CFHR1: variants seen among roughly 807,000 people sequenced by gnomAD.
The protein encoded by CFHR1 is complement factor H related 1, also known as complement factor H-related protein 1.
In CFHR1, 22 loss-of-function variants were observed where a neutral mutation model predicts 30.4. The ratio of observed to expected loss-of-function variants is 0.72; its 90% confidence interval spans 0.52 to 1.03. The LOEUF is 1.03. Ranked by LOEUF, CFHR1 falls within the 50% of genes least tolerant of loss-of-function variation. The pLI, the probability that CFHR1 is intolerant of heterozygous loss-of-function variation, is 0.00. For missense variants in CFHR1, 248 were observed against 380.6 expected (o/e 0.65, Z 2.90); for synonymous variants, 95 against 129.1 (o/e 0.74, Z 1.79).
chr1:196,826,787 T>C lies in CFHR1; in HGVS notation c.254-42T>C. The C allele has an allele frequency of 7.6e-6, 11 of 1,449,696 alleles. 2 individuals are homozygous for C. The highest frequency in any genetic ancestry group is 1.0e-5 in the Non-Finnish European group (11 of 1,063,508). The allele number at this position is 1,449,696 out of a possible 1,614,324, so 89.8% of individuals were successfully genotyped here. A position where few individuals can be genotyped will look rare whatever the true frequency, so the allele number is the denominator to read the frequency against. On this transcript the variant is annotated intron_variant, in intron 2 of 5. Transcript: ENST00000320493. ...TTAAAATGCAGTTGTACTTTTTCTT[T>C]GCTACTTCCATCTTGTACATTAATC...
chr1:196,825,737 G>A lies in CFHR1; in HGVS notation c.253+66G>A, dbSNP rs372075. On this transcript the variant is annotated intron_variant, in intron 2 of 5. Transcript: ENST00000320493. ...GAATAGAGAAGGATATGCCAGACAA[G>A]ATCATAAGGTCTTGATAATCACAGG... 0.14 allele frequency: 200,989 copies of A among 1,386,212 alleles called. 40,534 individuals carry two copies. Among genetic ancestry groups the A allele is most frequent in the African/African-American group, 0.24 (12,736 of 53,684 alleles). The allele number at this position is 1,386,212 out of a possible 1,614,324, so 85.9% of individuals were successfully genotyped here. A position where few individuals can be genotyped will look rare whatever the true frequency, so the allele number is the denominator to read the frequency against.
rs1558214005 is a variant in CFHR1, at chr1:196,825,521, G to T, written c.103G>T (p.Asp35Tyr). 1 of 1,519,322 alleles carries T rather than the reference G, an allele frequency of 6.6e-7. No individual in the cohort carries two copies. Among genetic ancestry groups the T allele is most frequent in the Non-Finnish European group, 8.9e-7 (1 of 1,124,416 alleles). The allele number at this position is 1,519,322 out of a possible 1,614,324, so 94.1% of individuals were successfully genotyped here. A position where few individuals can be genotyped will look rare whatever the true frequency, so the allele number is the denominator to read the frequency against. The change falls in exon 2 of 6, where the codon GAT (aspartate) becomes TAT (tyrosine). Residue 35 changes from aspartate to tyrosine, a missense_variant. By Grantham distance (160) the Asp-to-Tyr change is radical (BLOSUM62 -3). This residue lies in a region of CFHR1 where 121 missense variants were observed against 162.6 expected (regional missense o/e 0.74). Transcript: ENST00000320493. ...AAAAATAAACCATGGAATTCTATAT[G>T]ATGAAGAAAAATATAAGCCATTTTC... ...FPKINHGILY[D>Y]EEKYKPFSQV... is the part of the protein sequence containing the mutation.
chr1:196,823,766 C>T lies in CFHR1; in HGVS notation c.59-1711C>T, dbSNP rs1179132319. Among the ~76,000 whole-genome samples, 5 of 134,812 alleles carry T rather than the reference C, an allele frequency of 3.7e-5. 1 individual carries two copies. The highest frequency in any genetic ancestry group is 6.4e-5 in the African/African-American group (2 of 31,464). 88.4% of individuals were successfully genotyped at this position (134,812 alleles called of 152,430 possible). On this transcript the variant is annotated intron_variant, in intron 1 of 5. Coordinates refer to ENST00000320493, the MANE Select transcript of CFHR1 (RefSeq NM_002113.3). ...TTGAGGAAATATCTTGAGCTAAATA[C>T]GTACTCAAAGATAAAGCATATCAAA...
At chr1:196,825,862 G>C (rs1169264154) in intron 2 of CFHR1, 191 bp downstream of exon 2, 7 of 527,442 alleles carry the variant, frequency 1.3e-5, no homozygotes, top group Non-Finnish European at 2.3e-5. Context: ...CAACTGTCTT[G>C]TGTTACCTGG....
rs1307078120 is a variant in CFHR1, at chr1:196,831,956, G to T, written c.950G>T (p.Cys317Phe). ...CGTTCTCACACATTGCGAACAACAT[G>T]TTGGGATGGGAAACTGGAGTATCCA... is the stretch of plus-strand genomic sequence containing the variant. ...SSRSHTLRTTCWDGKLEYPTC... is the reference protein window; with the variant it reads ...SSRSHTLRTTFWDGKLEYPTC... The change falls in exon 6 of 6, where the codon TGT becomes TTT. Residue 317 changes from cysteine to phenylalanine, a missense_variant. Coordinates refer to ENST00000320493, the MANE Select transcript of CFHR1 (RefSeq NM_002113.3). The T allele has an allele frequency of 1.3e-6, 2 of 1,524,892 alleles. No homozygotes were observed. The highest frequency in any genetic ancestry group is 4.5e-5 in the East Asian group (2 of 44,604). 94.5% of individuals were successfully genotyped at this position (1,524,892 alleles called of 1,614,324 possible).
intron 4 of CFHR1, among the ~76,000 whole-genome samples, chr1:196,829,361 G>A (rs1395396131): frequency 7.4e-6 from 1 of 134,610 alleles, no homozygotes; most frequent in Non-Finnish European, 1.6e-5. Context: ...AAACTTATGA[G>A]GAAAAAGATA....
rs1571380711 is a variant in CFHR1, at chr1:196,831,659, G to A, written c.791-138G>A. On this transcript the variant is annotated intron_variant, in intron 5 of 5. Transcript: ENST00000320493. Reference sequence around the variant, plus strand: ...TTAAGTTTATTTAAATCAATATGATGTTTTTACATAGTCGGTTTGGACAGT... The same window carrying A: ...TTAAGTTTATTTAAATCAATATGATATTTTTACATAGTCGGTTTGGACAGT... 3.3e-5 allele frequency: 39 copies of A among 1,181,174 alleles called. 4 individuals are homozygous for A. Among genetic ancestry groups the A allele is most frequent in the Non-Finnish European group, 4.3e-5 (37 of 851,300 alleles). The allele number at this position is 1,181,174 out of a possible 1,614,324, so 73.2% of individuals were successfully genotyped here.
Position 196,822,467 on chromosome 1 carries a change from T to C in CFHR1, c.58+2565T>C, listed in dbSNP as rs1395196625. 4.5e-5 allele frequency among the ~76,000 whole-genome samples: 6 copies of C among 133,926 alleles called. 1 individual carries two copies. Among genetic ancestry groups the C allele is most frequent in the Admixed American group, 4.3e-4 (6 of 13,898 alleles). The allele number at this position is 133,926 out of a possible 152,430, so 87.9% of individuals were successfully genotyped here. Reference sequence around the variant, plus strand: ...AGAGATGTACAAAAGATTTTTTCTTTCTGTTCTTGTGCTATAAGCTTTTAT... The same window carrying C: ...AGAGATGTACAAAAGATTTTTTCTTCCTGTTCTTGTGCTATAAGCTTTTAT... On this transcript the variant is annotated intron_variant, in intron 1 of 5. Transcript: ENST00000320493.
rs1655560426 is a variant in CFHR1, at chr1:196,831,589, C to A, written c.791-208C>A. On this transcript the variant is annotated intron_variant, in intron 5 of 5. Coordinates refer to ENST00000320493, the MANE Select transcript of CFHR1 (RefSeq NM_002113.3). The stretch of plus-strand genomic sequence containing the variant: ...AATCATTGATAATACACCCCTAATT[C>A]TCATACATTAAACATAAAACCTCAT... Among the ~76,000 whole-genome samples the A allele has an allele frequency of 1.5e-5, 2 of 135,268 alleles. 1 individual carries two copies. Among genetic ancestry groups the A allele is most frequent in the African/African-American group, 6.3e-5 (2 of 31,624 alleles). The allele number at this position is 135,268 out of a possible 152,430, so 88.7% of individuals were successfully genotyped here. A position where few individuals can be genotyped will look rare whatever the true frequency, so the allele number is the denominator to read the frequency against.
At chr1:196,823,405 T>A (rs1655200321) in intron 1 of CFHR1, among the ~76,000 whole-genome samples, 1 of 134,832 alleles carries the variant, frequency 7.4e-6, no homozygotes. Flanking sequence ...AATAAACTAC[T>A]ATAATTTTGG....
At chr1:196,823,217 G>C (rs1655191264) in intron 1 of CFHR1, among the ~76,000 whole-genome samples, 1 of 133,876 alleles carries the variant, frequency 7.5e-6, no homozygotes, top group Non-Finnish European at 1.6e-5. Context: ...ATTGGTGGTT[G>C]TGTAAAGGAG....
Position 196,830,380 on chromosome 1 carries a change from T to C in CFHR1, c.608-120T>C. 5 of 1,145,002 alleles carry C rather than the reference T, an allele frequency of 4.4e-6. No individual in the cohort carries two copies. The South Asian group carries it at 6.1e-5, about 14-fold the overall frequency. The allele number at this position is 1,145,002 out of a possible 1,614,324, so 70.9% of individuals were successfully genotyped here. A position where few individuals can be genotyped will look rare whatever the true frequency, so the allele number is the denominator to read the frequency against. On this transcript the variant is annotated intron_variant, in intron 4 of 5. Coordinates refer to ENST00000320493, the MANE Select transcript of CFHR1 (RefSeq NM_002113.3). ...AAATTTCTTCCAGGACTCATTTCTT[T>C]TACCAGAAATCACAAAACTGTTGAT...
At chr1:196,829,634 C>T (rs975100674) in intron 4 of CFHR1, among the ~76,000 whole-genome samples, 1 of 134,750 alleles carries the variant, frequency 7.4e-6, no homozygotes, top group Non-Finnish European at 1.6e-5. Context: ...GAAAACTGTG[C>T]CACATGGTTA....
In CFHR1 at chr1:196,827,617, C is replaced by T. The variant is rs140867620; in HGVS notation, c.431-453C>T. ...TCTTTGCTTATTCACTAAGAAAATG[C>T]CTATTTGTGTTTATTTTTAAGAGGC... On this transcript the variant is annotated intron_variant, in intron 3 of 5. Coordinates refer to ENST00000320493, the MANE Select transcript of CFHR1 (RefSeq NM_002113.3). Among the ~76,000 whole-genome samples, 11 of 135,324 alleles carry T rather than the reference C, an allele frequency of 8.1e-5. 4 individuals are homozygous for T. The highest frequency in any genetic ancestry group is 3.5e-4 in the African/African-American group (11 of 31,804). The allele number at this position is 135,324 out of a possible 152,430, so 88.8% of individuals were successfully genotyped here. A position where few individuals can be genotyped will look rare whatever the true frequency, so the allele number is the denominator to read the frequency against.
At chr1:196,824,828 A>G (rs1184314080) in intron 1 of CFHR1, among the ~76,000 whole-genome samples, 5 of 117,812 alleles carry the variant, frequency 4.2e-5, no homozygotes, top group African/African-American at 1.2e-4. Context: ...AAATACAAAT[A>G]TACAAATACA....
intron 2 of CFHR1, chr1:196,825,878 C>T: frequency 4.2e-6 from 2 of 472,148 alleles, no homozygotes. Context: ...CCTGGAAATG[C>T]TCTACGTGTT....
chr1:196,831,997 T>C lies in CFHR1; in HGVS notation c.991T>C (p.Ter331GlnextTer4). ...GGAGTATCCAACTTGTGCAAAAAGA[T>C]AGAATCAATCATAAAATGCACACCT... is the stretch of plus-strand genomic sequence containing the variant. The part of the protein sequence containing the change: ...KLEYPTCAKR[*>Q] The change falls in exon 6 of 6, where the codon TAG (stop) becomes CAG (glutamine). Residue 331 changes from the stop codon to glutamine, a stop_lost. Transcript: ENST00000320493. 1.3e-6 allele frequency: 2 copies of C among 1,521,462 alleles called. 1 individual carries two copies. The highest frequency in any genetic ancestry group is 1.8e-6 in the Non-Finnish European group (2 of 1,125,432). 94.2% of individuals were successfully genotyped at this position (1,521,462 alleles called of 1,614,324 possible).
At chr1:196,825,914 A>C (rs1234580641) in intron 2 of CFHR1, 1 of 355,938 alleles carries the variant, frequency 2.8e-6, no homozygotes, top group African/African-American at 2.7e-5. Context: ...TTTTAAACTG[A>C]TCTTTAATAT....
chr1:196,828,656 T>A (rs1288232160), intron 4 of CFHR1, among the ~76,000 whole-genome samples: 1 of 133,122 alleles, frequency 7.5e-6, no homozygotes, highest in East Asian at 2.0e-4. Context: ...TTTAAAGGTG[T>A]GTGACTGACT....
Sources: allele counts gnomAD v4.1 joint callset (sites outside exome capture counted in the v4.1 genomes callset), GRCh38; gene constraint gnomAD v4.1.1; regional missense constraint gnomAD v4.1.1; transcripts MANE v1.5; gene names NCBI Gene and HGNC (gene_info 2026-07-23, HGNC 2026-07-21).